Variants in MTF2 observed in about 807,000 individuals in gnomAD.
The protein encoded by MTF2 is metal-response element-binding transcription factor 2.
In MTF2, 11 loss-of-function variants were observed where a neutral mutation model predicts 79.5. The ratio of observed to expected loss-of-function variants is 0.14; its 90% CI spans 0.09 to 0.23. The LOEUF is 0.23. MTF2 is among the 10% of genes least tolerant of loss of function. The pLI is 1.00. For missense variants in MTF2, 486 were observed against 711.2 expected, an observed-to-expected ratio of 0.68 and a Z score of 3.60; for synonymous variants, 208 against 232.8, an observed-to-expected ratio of 0.89 and a Z score of 0.97.
chr1:93,133,673 G>A (rs747207598), intron 11 of MTF2, 30 bp from the exon 12 acceptor site: 4 of 1,492,196 alleles, frequency 2.7e-6, no homozygotes, highest in Admixed American at 3.5e-5. Context: ...TTTATGCAGA[G>A]ATTAAATGCA....
chr1:93,091,038 C>T (rs1011147702), intron 1 of MTF2, among the ~76,000 whole-genome samples: 3 of 151,942 alleles, frequency 2.0e-5, no homozygotes, highest in African/African-American at 7.2e-5. Context: ...ATTTTTTTGC[C>T]CCTAAAACTT....
At chr1:93,083,752 T>C (rs764177987) in intron 1 of MTF2, among the ~76,000 whole-genome samples, 107 of 152,354 alleles carry the variant, frequency 7.0e-4, no homozygotes, top group Non-Finnish European at 1.1e-3. Context: ...TTGTCTATCT[T>C]TTGATTATAA....
At chr1:93,095,009 G>T (rs1049447765) in intron 1 of MTF2, among the ~76,000 whole-genome samples, 7 of 152,098 alleles carry the variant, frequency 4.6e-5, no homozygotes, top group South Asian at 2.1e-4. Context: ...GTGACTCGGG[G>T]GTTCCAAGTG....
intron 10 of MTF2, among the ~76,000 whole-genome samples, chr1:93,128,625 C>T (rs1656798865): frequency 6.6e-6 from 1 of 150,850 alleles, no homozygotes; most frequent in Non-Finnish European, 1.5e-5. Flanking sequence ...TTCTTGTGGC[C>T]AGGCAAGTTT....
intron 1 of MTF2, 29 bp from the exon 2 acceptor site, chr1:93,110,201 T>C: frequency 6.3e-7 from 1 of 1,593,324 alleles, no homozygotes; most frequent in Non-Finnish European, 8.6e-7. Context: ...CAAGTAAGTC[T>C]TATGTATGGT....
intron 1 of MTF2, among the ~76,000 whole-genome samples, chr1:93,108,682 C>G (rs1277840803): frequency 1.4e-5 from 1 of 71,912 alleles, no homozygotes; most frequent in Non-Finnish European, 2.9e-5. Flanking sequence ...TGCATTTATC[C>G]TACTTGGAAT....
intron 1 of MTF2, among the ~76,000 whole-genome samples, chr1:93,083,586 A>G (rs1443890239): frequency 6.6e-6 from 1 of 152,084 alleles, no homozygotes; most frequent in East Asian, 1.9e-4. Flanking sequence ...CATATCTAGG[A>G]GTGAAATTAC....
intron 1 of MTF2, among the ~76,000 whole-genome samples, chr1:93,103,887 T>C (rs1655651585): frequency 6.6e-6 from 1 of 152,222 alleles, no homozygotes; most frequent in Admixed American, 6.5e-5. Context: ...CTTTGTTTTC[T>C]GTAAGATTTT....
intron 1 of MTF2, among the ~76,000 whole-genome samples, chr1:93,082,408 G>T (rs979838839): frequency 6.6e-6 from 1 of 151,826 alleles, no homozygotes; most frequent in African/African-American, 2.4e-5. Flanking sequence ...AGCCTGCCGA[G>T]TAGTTAGGAC....
At chr1:93,116,676 GT>G (rs961148156) in intron 6 of MTF2, among the ~76,000 whole-genome samples, 2 of 151,880 alleles carry the variant, frequency 1.3e-5, no homozygotes, top group East Asian at 1.9e-4. Flanking sequence ...AGTTTTTTAA[GT>G]TTTTTTGTGG....
chr1:93,106,890 C>G (rs1030715294), intron 1 of MTF2, among the ~76,000 whole-genome samples: 4 of 152,330 alleles, frequency 2.6e-5, no homozygotes, highest in African/African-American at 9.6e-5. Flanking sequence ...TAAATTGTTT[C>G]AAAATCTGGA....
chr1:93,125,474 C>A (rs1656657915), intron 9 of MTF2, among the ~76,000 whole-genome samples: 1 of 151,950 alleles, frequency 6.6e-6, no homozygotes, highest in South Asian at 2.1e-4. Flanking sequence ...TGGAAACATT[C>A]TTGAGGGAGA....
chr1:93,095,082 T>C (rs1226482453), intron 1 of MTF2, among the ~76,000 whole-genome samples: 2 of 152,122 alleles, frequency 1.3e-5, no homozygotes, highest in East Asian at 3.9e-4. Flanking sequence ...CTGGATTATA[T>C]AGCTCACTGC....
intron 6 of MTF2, among the ~76,000 whole-genome samples, chr1:93,116,301 C>T (rs1309330086): frequency 3.3e-5 from 5 of 151,758 alleles, no homozygotes; most frequent in African/African-American, 1.2e-4. Flanking sequence ...GGTTTACAGG[C>T]CTGAGCCATG....
chr1:93,115,729 G>A (rs938213875), intron 6 of MTF2, 111 bp downstream of exon 6: 63 of 800,204 alleles, frequency 7.9e-5, no homozygotes, highest in Admixed American at 1.1e-4. Context: ...GAACACATCA[G>A]TGAAGAAAAC....
intron 1 of MTF2, chr1:93,081,075 C>A (rs1412170135): frequency 6.6e-6 from 1 of 152,164 alleles, no homozygotes; most frequent in Admixed American, 6.5e-5. Flanking sequence ...ACACCTGCTT[C>A]CTGATACTAC....
In MTF2 at chr1:93,133,988, G is replaced by A. The variant is rs755524656; in HGVS notation, c.1319+8G>A. 1.3e-6 allele frequency: 2 copies of A among 1,571,172 alleles called. No homozygotes were observed. Among genetic ancestry groups the A allele is most frequent in the Non-Finnish European group, 1.7e-6 (2 of 1,148,682 alleles). ...TTTACCTTGTTCTATAGGGTAAATA[G>A]AAAGTTATTTTCTCCCTTTCTAGGT... On this transcript the variant is annotated splice_region_variant and intron_variant, in intron 13 of 14. Coordinates refer to ENST00000370298, the MANE Select transcript of MTF2 (RefSeq NM_007358.4).
At chr1:93,109,578 A>G (rs2101055963) in intron 1 of MTF2, among the ~76,000 whole-genome samples, 1 of 151,900 alleles carries the variant, frequency 6.6e-6, no homozygotes, top group East Asian at 1.9e-4. Flanking sequence ...CAGGTGATCC[A>G]CCCGCCTCAG....
At chr1:93,098,326 C>G (rs1655382003) in intron 1 of MTF2, among the ~76,000 whole-genome samples, 1 of 152,130 alleles carries the variant, frequency 6.6e-6, no homozygotes, top group African/African-American at 2.4e-5. Context: ...AGATATTTTT[C>G]TTCTTGTGTT....
Sources: allele counts gnomAD v4.1 joint callset (sites outside exome capture counted in the v4.1 genomes callset), GRCh38; gene constraint gnomAD v4.1.1; transcripts MANE v1.5; gene names NCBI Gene and HGNC (gene_info 2026-07-23, HGNC 2026-07-21).